The following APLP2 variants were observed in gnomAD, a reference collection of about 807,000 sequenced individuals.
APLP2 encodes amyloid beta precursor like protein 2.
A neutral mutation model predicts 89.9 loss-of-function variants in APLP2; 53 were observed. That is an observed-to-expected ratio of 0.59 (90% confidence interval 0.47 to 0.74). The LOEUF (loss-of-function observed/expected upper bound fraction) is 0.74, where lower values mean the gene tolerates loss of function less well. APLP2 is among the 30% of genes least tolerant of loss of function. The pLI, the probability that APLP2 is intolerant of heterozygous loss-of-function variation, is 0.00. For missense variants in APLP2, 973 were observed against 975.9 expected, an observed-to-expected ratio of 1.00 and a Z score of 0.04; for synonymous variants, 372 against 348.6, an observed-to-expected ratio of 1.07 and a Z score of -0.75.
At position 130,081,854 on chromosome 11, in the gene APLP2, TA is replaced by T. The variant is rs936543498; in HGVS notation, c.105+11781del. ...TAAACAGCATACTGTGGATATCTTT[TA>T]AAAAAAAATCATTGTAGCTATATCC... On this transcript the variant is annotated intron_variant, in intron 1 of 16. Transcript: ENST00000338167. 1.2e-3 allele frequency among the ~76,000 whole-genome samples: 177 copies of T among 151,878 alleles called. 1 individual carries two copies. Among genetic ancestry groups the T allele is most frequent in the African/African-American group, 3.4e-3 (142 of 41,416 alleles).
chr11:130,096,554 C>T (rs537567709), intron 1 of APLP2, among the ~76,000 whole-genome samples: 7 of 152,208 alleles, frequency 4.6e-5, no homozygotes, highest in African/African-American at 9.6e-5. Context: ...CTCATCTCTG[C>T]AAAACATTTA....
intron 1 of APLP2, among the ~76,000 whole-genome samples, chr11:130,091,207 C>T (rs1217982604): frequency 3.9e-5 from 5 of 129,630 alleles, no homozygotes; most frequent in African/African-American, 9.1e-5. Flanking sequence ...GGCGGCTGGC[C>T]GGGCAGGGGG....
intron 7 of APLP2, among the ~76,000 whole-genome samples, chr11:130,125,060 T>C (rs184679924): frequency 2.0e-5 from 3 of 152,260 alleles, no homozygotes; most frequent in Admixed American, 2.0e-4. Context: ...AGAAGCTTTG[T>C]GTTCATGTTC....
chr11:130,143,044 AG>A (rs1952613192), intron 16 of APLP2, among the ~76,000 whole-genome samples: 1 of 152,174 alleles, frequency 6.6e-6, no homozygotes, highest in Non-Finnish European at 1.5e-5. Context: ...TGGCTGGCCC[AG>A]GTAGTAAGCA....
intron 12 of APLP2, among the ~76,000 whole-genome samples, chr11:130,135,343 T>C (rs1951443725): frequency 6.6e-6 from 1 of 152,164 alleles, no homozygotes; most frequent in African/African-American, 2.4e-5. Flanking sequence ...TGTGGAGTTG[T>C]GGATACCACT....
chr11:130,137,452 GC>G (rs1256427915), intron 13 of APLP2, among the ~76,000 whole-genome samples: 2 of 152,102 alleles, frequency 1.3e-5, no homozygotes, highest in African/African-American at 4.8e-5. Flanking sequence ...CCTCCATGTT[GC>G]TGACAAGCTG....
At chr11:130,099,544 G>A (rs761415859) in intron 1 of APLP2, among the ~76,000 whole-genome samples, 2 of 152,206 alleles carry the variant, frequency 1.3e-5, no homozygotes, top group Non-Finnish European at 2.9e-5. Flanking sequence ...TCACTTCCAA[G>A]TCCCGGAAGC....
chr11:130,115,516 A>G (rs1318349883), intron 3 of APLP2, among the ~76,000 whole-genome samples: 1 of 152,226 alleles, frequency 6.6e-6, no homozygotes, highest in Non-Finnish European at 1.5e-5. Flanking sequence ...TTGGCGATAA[A>G]TCCTAACTGC....
At position 130,123,755 on chromosome 11, in the gene APLP2, T is replaced by C. The variant is rs1950085070; in HGVS notation, c.1066T>C (p.Cys356Arg). Residue 356 changes from cysteine (C) to arginine (R), a missense_variant, in exon 7 of 17, where the codon TGT becomes CGT. Cys to Arg is a radical substitution (Grantham distance 180). Transcript: ENST00000338167. The surrounding 1 kb of genome is among the most constrained non-coding windows in gnomAD (Gnocchi z 4.0). ...GAACAATTTTGAGTCTGAGGATTAT[T>C]GTATGGCTGTGTGTAAAGCGATGAG... ...NRNNFESEDY[C>R]MAVCKAMIPP... 1 of 1,614,244 alleles carries C rather than the reference T, an allele frequency of 6.2e-7. No individual in the cohort carries two copies. The highest frequency in any genetic ancestry group is 8.5e-7 in the Non-Finnish European group (1 of 1,180,042).
At chr11:130,098,841 A>G (rs890849539) in intron 1 of APLP2, among the ~76,000 whole-genome samples, 23 of 152,214 alleles carry the variant, frequency 1.5e-4, no homozygotes, top group Non-Finnish European at 3.2e-4. Context: ...TGGATATTCT[A>G]CAGAAAACCC....
chr11:130,141,522 A>G lies in APLP2; in HGVS notation c.1948A>G (p.Lys650Glu). ...GGTCATTGACGAGACTCTGGATGTT[A>G]AGGAAATGATTTTCAATGCCGAGAG... The part of the protein sequence containing the change: ...NMVIDETLDV[K>E]EMIFNAERVG... The change falls in exon 15 of 17, where the codon AAG becomes GAG. Residue 650 changes from lysine to glutamate, a missense_variant. By Grantham distance (56) the Lys-to-Glu change is moderately conservative. Coordinates refer to ENST00000338167, the MANE Select transcript of APLP2 (RefSeq NM_001142276.2). The surrounding 1 kb of genome is among the most constrained non-coding windows in gnomAD (Gnocchi z 4.2). 1 of 1,613,998 alleles carries G rather than the reference A, an allele frequency of 6.2e-7. No individual in the cohort carries two copies. Among genetic ancestry groups the G allele is most frequent in the Non-Finnish European group, 8.5e-7 (1 of 1,179,998 alleles).
intron 8 of APLP2, 34 bp downstream of exon 8, chr11:130,126,864 C>T: frequency 1.2e-6 from 2 of 1,612,844 alleles, no homozygotes; most frequent in Non-Finnish European, 1.7e-6. Flanking sequence ...CTTCATGGTA[C>T]TTGGCTTTGG....
intron 1 of APLP2, among the ~76,000 whole-genome samples, chr11:130,105,630 A>G (rs972057653): frequency 2.8e-4 from 43 of 151,442 alleles, no homozygotes; most frequent in African/African-American, 1.0e-3. Context: ...ACCACGAGTA[A>G]TGGATGTTTT....
chr11:130,137,311 T>A, intron 13 of APLP2: 1 of 1,609,314 alleles, frequency 6.2e-7, no homozygotes, highest in East Asian at 2.2e-5. Context: ...TCCAAGATGT[T>A]CCCTTTAAGA....
chr11:130,090,615 G>C (rs1395375748), intron 1 of APLP2, among the ~76,000 whole-genome samples: 1 of 151,788 alleles, frequency 6.6e-6, no homozygotes, highest in Admixed American at 6.6e-5. Context: ...CAAGGCAGAG[G>C]AATTTTTCTT....
chr11:130,120,735 G>A lies in APLP2; in HGVS notation c.433G>A (p.Val145Ile). The A allele has an allele frequency of 6.2e-7, 1 of 1,613,982 alleles. No individual in the cohort carries two copies. Among genetic ancestry groups the A allele is most frequent in the South Asian group, 1.1e-5 (1 of 91,076 alleles). Residue 145 changes from valine to isoleucine, a missense_variant, in exon 4 of 17, where the codon GTT (valine) becomes ATT (isoleucine). Coordinates refer to ENST00000338167, the MANE Select transcript of APLP2 (RefSeq NM_001142276.2). Reference sequence around the variant, plus strand: ...TGAATTTGTAAGTGATGTCCTGCTAGTTCCAGAAAAGTGCCAGTTTTTCCA... The same window carrying A: ...TGAATTTGTAAGTGATGTCCTGCTAATTCCAGAAAAGTGCCAGTTTTTCCA... ...VGEFVSDVLL[V>I]PEKCQFFHKE... is the part of the protein sequence containing the mutation.
chr11:130,132,143 C>A (rs1328313754), intron 11 of APLP2, among the ~76,000 whole-genome samples: 1 of 152,178 alleles, frequency 6.6e-6, no homozygotes. Context: ...TCCTGTCTCA[C>A]ACGGCTCCCG....
Position 130,141,666 on chromosome 11 carries a change from C to A in APLP2, c.1998+94C>A. 8.6e-7 allele frequency: 1 copy of A among 1,159,458 alleles called. No individual in the cohort carries two copies. Among genetic ancestry groups the A allele is most frequent in the Admixed American group, 2.0e-5 (1 of 50,282 alleles). The allele number at this position is 1,159,458 out of a possible 1,614,324, so 71.8% of individuals were successfully genotyped here. ...GTTCAAGTAGAAAACGGGAGAGATG[C>A]CTGAGCTAATAAGGGTCCCTCATCC... On this transcript the variant is annotated intron_variant, in intron 15 of 16. Transcript: ENST00000338167. This position sits in a 1 kb window ranked among gnomAD's most constrained non-coding sequence, Gnocchi z 4.2.
intron 9 of APLP2, 137 bp downstream of exon 9, chr11:130,127,977 G>GT (rs1950561424): frequency 5.6e-6 from 4 of 717,118 alleles, no homozygotes; most frequent in Non-Finnish European, 9.2e-6. Flanking sequence ...TAACTGGCCT[G>GT]TTTTTCTTTT....
Sources: gnomAD v4.1 joint callset for allele counts (sites outside exome capture counted in the v4.1 genomes callset) on GRCh38, gnomAD v4.1.1 for gene constraint, Gnocchi (gnomAD v3.1) non-coding constraint, MANE v1.5 for transcripts, NCBI Gene and HGNC (gene_info 2026-07-23, HGNC 2026-07-21) for gene names.